Variants in MMP26 observed in about 807,000 individuals in gnomAD.
The protein encoded by MMP26 is matrix metallopeptidase 26, also known as matrix metalloproteinase-26.
Under a neutral mutation model 31.0 loss-of-function variants are expected in MMP26, and 33 were observed. The observed-to-expected ratio is 1.06, with a 90% CI of 0.81 to 1.42. The LOEUF (loss-of-function observed/expected upper bound fraction) is 1.42. Among genes scored for constraint, MMP26 ranks in the 40% most tolerant of loss-of-function variants. The pLI is 0.00. For synonymous variants in MMP26, 122 were observed against 114.9 expected (o/e 1.06, Z -0.40); for missense variants, 347 against 316.1 (o/e 1.10, Z -0.74).
chr11:4,831,112 C>T (rs756844851), intron 2 of MMP26, among the ~76,000 whole-genome samples: 1 of 152,164 alleles, frequency 6.6e-6, no homozygotes, highest in African/African-American at 2.4e-5. Context: ...CCCTTTCCTT[C>T]ACTACTTTCT....
At chr11:4,766,970 C>CA (rs1175863353) in intron 1 of MMP26, among the ~76,000 whole-genome samples, 2 of 151,976 alleles carry the variant, frequency 1.3e-5, no homozygotes, top group African/African-American at 2.4e-5. Flanking sequence ...TAGAATTACT[C>CA]AAGAAAAAGA....
chr11:4,882,933 TG>T, intron 2 of MMP26: 1 of 1,469,818 alleles, frequency 6.8e-7, no homozygotes, highest in Non-Finnish European at 9.3e-7. Flanking sequence ...GAAAGGGACT[TG>T]GGGCAGTCTT....
chr11:4,835,350 C>T (rs1226605935), intron 2 of MMP26, among the ~76,000 whole-genome samples: 1 of 152,156 alleles, frequency 6.6e-6, no homozygotes, highest in African/African-American at 2.4e-5. Context: ...TATCCACCTT[C>T]TGTGTACCAC....
Position 4,934,292 on chromosome 11 carries a change from A to T in MMP26, c.-144-53776A>T, listed in dbSNP as rs1236880496. 2.0e-3 allele frequency among the ~76,000 whole-genome samples: 292 copies of T among 149,196 alleles called. 1 individual carries two copies. Among genetic ancestry groups the T allele is most frequent in the Middle Eastern group, 6.9e-3 (2 of 288 alleles). On this transcript the variant is annotated intron_variant, in intron 2 of 7. Transcript: ENST00000380390. Reference sequence around the variant, plus strand: ...TAACTGGTGTGAGATGGTATCTCATAGTGGTTTTGATTTGAATTTCTCTGA... The same window carrying T: ...TAACTGGTGTGAGATGGTATCTCATTGTGGTTTTGATTTGAATTTCTCTGA...
chr11:4,833,027 G>C (rs570271157), intron 2 of MMP26: 1 of 152,478 alleles, frequency 6.6e-6, no homozygotes, highest in East Asian at 1.9e-4. Flanking sequence ...AAACTCGGCA[G>C]ATTAGAGTAA....
At chr11:4,711,645 T>C (rs1378938379) in intron 1 of MMP26, 1 of 152,164 alleles carries the variant, frequency 6.6e-6, no homozygotes, top group African/African-American at 2.4e-5. Context: ...CATCTATCAC[T>C]TTTCTCAATG....
At chr11:4,991,098 T>G (rs1237932063) in intron 5 of MMP26, among the ~76,000 whole-genome samples, 5 of 152,210 alleles carry the variant, frequency 3.3e-5, no homozygotes, top group Non-Finnish European at 7.3e-5. Context: ...CCCCTACCAT[T>G]TTGAAAAGAG....
chr11:4,965,675 C>G (rs2133625550), intron 2 of MMP26, among the ~76,000 whole-genome samples: 1 of 152,238 alleles, frequency 6.6e-6, no homozygotes, highest in East Asian at 1.9e-4. Context: ...TATCTGATTC[C>G]AAACAGATGG....
chr11:4,972,811 T>C (rs1419343951), intron 2 of MMP26: 1 of 152,222 alleles, frequency 6.6e-6, no homozygotes, highest in East Asian at 1.9e-4. Flanking sequence ...ATTTGCAAGT[T>C]TGATTCTTTA....
intron 2 of MMP26, among the ~76,000 whole-genome samples, chr11:4,985,070 T>G (rs10768434): frequency 0.5 from 75,610 of 151,964 alleles, 20,094 homozygotes; most frequent in South Asian, 0.65. Flanking sequence ...TTTGAATGTA[T>G]TCAGGCCATA....
chr11:4,790,940 G>A (rs772699406), intron 2 of MMP26, among the ~76,000 whole-genome samples: 7 of 152,128 alleles, frequency 4.6e-5, no homozygotes, highest in Non-Finnish European at 8.8e-5. Context: ...GTATATAAAC[G>A]TCTCTTACAT....
At chr11:4,898,831 CTGTGTGTGTGTGTGTGTGTG>C (rs1157500335) in intron 2 of MMP26, among the ~76,000 whole-genome samples, 5 of 94,150 alleles carry the variant, frequency 5.3e-5, no homozygotes, top group Admixed American at 3.5e-4. Flanking sequence ...CTCTCTCTCT[CTGTGTGTGTGTGTGTGTGTG>C]TGTGTGTGTG....
At chr11:4,828,054 A>G (rs1849601850) in intron 2 of MMP26, among the ~76,000 whole-genome samples, 3 of 152,162 alleles carry the variant, frequency 2.0e-5, no homozygotes, top group Admixed American at 2.0e-4. Context: ...TGATGCTGGA[A>G]AAAATACATC....
intron 2 of MMP26, among the ~76,000 whole-genome samples, chr11:4,788,321 C>T (rs1483244359): frequency 1.3e-5 from 2 of 151,716 alleles, no homozygotes; most frequent in Non-Finnish European, 2.9e-5. Flanking sequence ...GATTCCTCCA[C>T]AGAGGGAGCT....
intron 2 of MMP26, among the ~76,000 whole-genome samples, chr11:4,927,971 G>C (rs988805674): frequency 6.6e-6 from 1 of 152,060 alleles, no homozygotes; most frequent in African/African-American, 2.4e-5. Context: ...GATGTTTCTA[G>C]TTGTGCATTT....
At position 4,984,572 on chromosome 11, in the gene MMP26, G is replaced by C. The variant is rs182372121; in HGVS notation, c.-144-3496G>C. Among the ~76,000 whole-genome samples, 3 of 152,214 alleles carry C rather than the reference G, an allele frequency of 2.0e-5. No individual in the cohort carries two copies. The East Asian group carries it at 5.8e-4, about 29-fold the overall frequency. On this transcript the variant is annotated intron_variant, in intron 2 of 7. Transcript: ENST00000380390. ...TTAATGAATAATGGGTTCCTTCCAA[G>C]TTCCAAAGTCTGTGCTACAGATATT...
chr11:4,860,435 T>A (rs547477498), intron 2 of MMP26: 1 of 470,892 alleles, frequency 2.1e-6, no homozygotes, highest in Non-Finnish European at 4.4e-6. Context: ...ATGGTACCAT[T>A]TCCCAGGAGT....
chr11:4,921,609 A>G (rs965899997), intron 2 of MMP26, among the ~76,000 whole-genome samples: 7 of 152,204 alleles, frequency 4.6e-5, no homozygotes, highest in East Asian at 1.9e-4. Flanking sequence ...TGTTCAGTGC[A>G]TGTATCTTAT....
rs769582559 is a variant in MMP26, at chr11:4,923,491, CA to C, written c.-144-64576del. 1.9e-6 allele frequency: 3 copies of C among 1,614,012 alleles called. No individual in the cohort carries two copies. The East Asian group carries it at 6.7e-5, about 36-fold the overall frequency. ...TGGGGTTCATAAGGGGTGGTACCAG[CA>C]GATACACATAGGACATGAAGAGGTG... On this transcript the variant is annotated intron_variant, in intron 2 of 7. Coordinates refer to ENST00000380390, the MANE Select transcript of MMP26 (RefSeq NM_021801.5).
Sources: gnomAD v4.1 joint callset for allele counts (sites outside exome capture counted in the v4.1 genomes callset) on GRCh38, gnomAD v4.1.1 for gene constraint, MANE v1.5 for transcripts, NCBI Gene and HGNC (gene_info 2026-07-23, HGNC 2026-07-21) for gene names.